Variants in TTC7B observed in about 807,000 individuals in gnomAD.
TTC7B encodes the protein tetratricopeptide repeat domain 7B, also known as tetratricopeptide repeat protein 7B.
TTC7B carries 28 observed loss-of-function variants against 106.8 expected under a neutral mutation model. The ratio of observed to expected loss-of-function variants is 0.26; its 90% CI spans 0.19 to 0.36. TTC7B has a LOEUF of 0.36. Ranked by LOEUF, TTC7B falls within the 10% of genes least tolerant of loss-of-function variation. The pLI is 1.00. For missense variants in TTC7B, 862 were observed against 1,076.4 expected, an observed-to-expected ratio of 0.80 and a Z score of 2.79; for synonymous variants, 405 against 430.6, an observed-to-expected ratio of 0.94 and a Z score of 0.74.
At chr14:90,660,376 G>GAGC (rs1886141052) in intron 9 of TTC7B, among the ~76,000 whole-genome samples, 1 of 98,148 alleles carries the variant, frequency 1.0e-5, no homozygotes, top group Non-Finnish European at 1.8e-5. Flanking sequence ...CTGGGCAACA[G>GAGC]AGCAAGACCA....
Position 90,578,611 on chromosome 14 carries a change from C to T in TTC7B, c.2108-303G>A, listed in dbSNP as rs946811265. Reference sequence around the variant, plus strand: ...AGGGCACCCACCCTCAGGGCCCACCCGGGGCTCCTCAGTGTCTGGACAGAG... The same window carrying T: ...AGGGCACCCACCCTCAGGGCCCACCTGGGGCTCCTCAGTGTCTGGACAGAG... On this transcript the variant is annotated intron_variant, in intron 18 of 19. Coordinates refer to ENST00000328459, the MANE Select transcript of TTC7B (RefSeq NM_001010854.2). This position sits in a 1 kb window ranked among gnomAD's most constrained non-coding sequence, Gnocchi z 4.7. 6.6e-6 allele frequency among the ~76,000 whole-genome samples: 1 copy of T among 151,980 alleles called. No homozygotes were observed. Among genetic ancestry groups the T allele is most frequent in the Non-Finnish European group, 1.5e-5 (1 of 67,988 alleles).
At chr14:90,601,898 G>C in intron 17 of TTC7B, 1 of 309,760 alleles carries the variant, frequency 3.2e-6, no homozygotes, top group South Asian at 2.9e-5. Flanking sequence ...AGGGCGATGC[G>C]GCGAGTTGCC....
At chr14:90,596,444 A>G (rs967459410) in intron 17 of TTC7B, among the ~76,000 whole-genome samples, 2 of 152,252 alleles carry the variant, frequency 1.3e-5, no homozygotes, top group African/African-American at 2.4e-5. Flanking sequence ...GATGGCGATG[A>G]TGATGACAGC....
chr14:90,693,764 G>C (rs753939445), intron 6 of TTC7B, among the ~76,000 whole-genome samples: 2 of 152,210 alleles, frequency 1.3e-5, no homozygotes, highest in Non-Finnish European at 2.9e-5. Flanking sequence ...TGGTGGGAAT[G>C]TAATATGGTA....
At chr14:90,789,331 C>T (rs1210261635) in intron 1 of TTC7B, among the ~76,000 whole-genome samples, 1 of 152,100 alleles carries the variant, frequency 6.6e-6, no homozygotes, top group African/African-American at 2.4e-5. Context: ...CTCCTGACCT[C>T]AGGTGATCCG....
chr14:90,578,396 C>T lies in TTC7B; in HGVS notation c.2108-88G>A. 1 of 1,402,126 alleles carries T rather than the reference C, an allele frequency of 7.1e-7. No individual in the cohort carries two copies. Among genetic ancestry groups the T allele is most frequent in the South Asian group, 1.2e-5 (1 of 80,696 alleles). 86.9% of individuals were successfully genotyped at this position (1,402,126 alleles called of 1,614,324 possible). Reference sequence around the variant, plus strand: ...ACCACTCTGATGTTCGTGTTCCCTGCACGGGAGTCTGGCGGGGCGCAGAGC... The same window carrying T: ...ACCACTCTGATGTTCGTGTTCCCTGTACGGGAGTCTGGCGGGGCGCAGAGC... On this transcript the variant is annotated intron_variant, in intron 18 of 19. Coordinates refer to ENST00000328459, the MANE Select transcript of TTC7B (RefSeq NM_001010854.2). This position sits in a 1 kb window ranked among gnomAD's most constrained non-coding sequence, Gnocchi z 4.7.
intron 9 of TTC7B, among the ~76,000 whole-genome samples, chr14:90,667,227 A>G (rs1476712688): frequency 2.0e-5 from 3 of 152,200 alleles, no homozygotes; most frequent in Non-Finnish European, 4.4e-5. Flanking sequence ...TAAATGCTTG[A>G]ATGAAGGCTG....
chr14:90,658,435 C>G, intron 9 of TTC7B, 48 bp from the exon 10 acceptor site: 1 of 1,534,282 alleles, frequency 6.5e-7, no homozygotes, highest in Non-Finnish European at 9.0e-7. Flanking sequence ...ATCACTGGTG[C>G]CACAACTGCA....
chr14:90,792,445 T>A (rs1324506447), intron 1 of TTC7B, among the ~76,000 whole-genome samples: 2 of 152,016 alleles, frequency 1.3e-5, no homozygotes, highest in Non-Finnish European at 1.5e-5. Context: ...GGCATGGTGG[T>A]GCACGCCTGT....
At chr14:90,708,381 C>T (rs1014624084) in intron 5 of TTC7B, among the ~76,000 whole-genome samples, 4 of 152,210 alleles carry the variant, frequency 2.6e-5, no homozygotes, top group African/African-American at 9.7e-5. Context: ...CAGGCTGACT[C>T]TCTTGCAGGA....
chr14:90,730,186 G>C lies in TTC7B; in HGVS notation c.587C>G (p.Ser196Cys), dbSNP rs535730615. The C allele has an allele frequency of 7.5e-6, 12 of 1,603,444 alleles. No individual in the cohort carries two copies. Among genetic ancestry groups the C allele is most frequent in the African/African-American group, 4.0e-5 (3 of 74,222 alleles). The change falls in exon 5 of 20, where the codon TCT becomes TGT. Residue 196 changes from serine to cysteine, a missense_variant. Ser to Cys is a moderately radical substitution (Grantham distance 112). Transcript: ENST00000328459. ...CTTAGGGCTTCTGTTTTGAATATTA[G>C]AAAGTATTACCTAGAAGGGGAGAAA... ...YLQEIERVIL[S>C]NIQNRSPKPG...
Position 90,744,803 on chromosome 14 carries a change from C to T in TTC7B, c.565G>A (p.Glu189Lys). ...AGDIALLYLQEIERVILSNIQ... is the reference protein window; with the variant it reads ...AGDIALLYLQKIERVILSNIQ... ...TGGTCCTCACTTACCCTTTCTATCT[C>T]TTGGAGATACAGGAGTGCGATGTCC... The change falls in exon 4 of 20, where the codon GAG (glutamate) becomes AAG (lysine). Residue 189 changes from glutamate (E) to lysine (K), a missense_variant. By Grantham distance (56) the Glu-to-Lys change is moderately conservative (BLOSUM62 1). Transcript: ENST00000328459. 1 of 1,613,884 alleles carries T rather than the reference C, an allele frequency of 6.2e-7. No individual in the cohort carries two copies. Among genetic ancestry groups the T allele is most frequent in the Non-Finnish European group, 8.5e-7 (1 of 1,179,970 alleles).
chr14:90,651,322 C>T (rs1239766005), intron 13 of TTC7B, among the ~76,000 whole-genome samples: 1 of 152,148 alleles, frequency 6.6e-6, no homozygotes, highest in African/African-American at 2.4e-5. Flanking sequence ...GTTAGGTTAG[C>T]GGGATTTTAT....
chr14:90,618,209 C>T (rs1255308894), intron 15 of TTC7B, among the ~76,000 whole-genome samples, 164 bp from the exon 16 acceptor site: 1 of 152,220 alleles, frequency 6.6e-6, no homozygotes, highest in Non-Finnish European at 1.5e-5. Context: ...GAACTCCTGG[C>T]TCAAGGTGTT....
intron 1 of TTC7B, among the ~76,000 whole-genome samples, chr14:90,803,405 T>C (rs1456521615): frequency 1.3e-5 from 2 of 152,176 alleles, no homozygotes; most frequent in African/African-American, 4.8e-5. Context: ...CCAAGCAGGC[T>C]GGCCTCAGGA....
chr14:90,796,236 G>A (rs527709586), intron 1 of TTC7B, among the ~76,000 whole-genome samples: 1 of 152,194 alleles, frequency 6.6e-6, no homozygotes, highest in Non-Finnish European at 1.5e-5. Context: ...GGGGTAAAGA[G>A]GGACTCAAGG....
Position 90,692,756 on chromosome 14 carries a change from C to T in TTC7B, c.777+2744G>A, listed in dbSNP as rs55682022. Among the ~76,000 whole-genome samples the T allele has an allele frequency of 4.8e-3, 725 of 152,318 alleles. 10 individuals are homozygous for T. The highest frequency in any genetic ancestry group is 0.016 in the African/African-American group (686 of 41,578). ...GAAGAGGTAAATTTGAGAGAAAAGACAGCTGGCAACAACTTTTATCCATAT... is the reference window on the plus strand; with the variant it reads ...GAAGAGGTAAATTTGAGAGAAAAGATAGCTGGCAACAACTTTTATCCATAT... On this transcript the variant is annotated intron_variant, in intron 6 of 19. Coordinates refer to ENST00000328459, the MANE Select transcript of TTC7B (RefSeq NM_001010854.2).
intron 17 of TTC7B, among the ~76,000 whole-genome samples, chr14:90,606,458 T>C (rs1001885359): frequency 6.6e-6 from 1 of 152,252 alleles, no homozygotes; most frequent in East Asian, 1.9e-4. Context: ...TGTTGATATC[T>C]ATCAATTATT....
intron 4 of TTC7B, among the ~76,000 whole-genome samples, chr14:90,739,773 C>G (rs1889686145): frequency 6.6e-6 from 1 of 152,224 alleles, no homozygotes; most frequent in African/African-American, 2.4e-5. Context: ...CTCAAGAGAG[C>G]CATAACCAGC....
Sources: allele counts gnomAD v4.1 joint callset (sites outside exome capture counted in the v4.1 genomes callset), GRCh38; gene constraint gnomAD v4.1.1; non-coding constraint Gnocchi (gnomAD v3.1); transcripts MANE v1.5; gene names NCBI Gene and HGNC (gene_info 2026-07-23, HGNC 2026-07-21).